Variants in IL17RC observed in about 807,000 individuals in gnomAD.
IL17RC encodes the protein interleukin-17 receptor C.
A neutral mutation model predicts 86.7 loss-of-function variants in IL17RC; 53 were observed. That is an observed-to-expected ratio of 0.61 (90% CI 0.49 to 0.77). The LOEUF (loss-of-function observed/expected upper bound fraction) is 0.77, where lower values mean the gene tolerates loss of function less well. Among genes scored for constraint, IL17RC ranks in the 30% least tolerant of loss-of-function variants. The pLI is 0.00. For missense variants in IL17RC, 957 were observed against 940.0 expected (o/e 1.02, Z -0.24); for synonymous variants, 439 against 413.1 (o/e 1.06, Z -0.76).
intron 6 of IL17RC, 89 bp from the exon 7 acceptor site, chr3:9,920,836 T>C (rs2083477513): frequency 1.9e-6 from 2 of 1,040,460 alleles, no homozygotes; most frequent in East Asian, 4.9e-5. Flanking sequence ...TGGGGAGCCA[T>C]TCCTAATGCC....
intron 9 of IL17RC, among the ~76,000 whole-genome samples, chr3:9,927,957 A>C (rs1159438170): frequency 6.6e-6 from 1 of 152,170 alleles, no homozygotes; most frequent in Non-Finnish European, 1.5e-5. Context: ...TCAAAAAAAA[A>C]AAAAAGTTTG....
Position 9,930,681 on chromosome 3 carries a change from T to C in IL17RC, c.1339-214T>C, listed in dbSNP as rs2084568274. 1.2e-5 allele frequency: 8 copies of C among 671,656 alleles called. No individual in the cohort carries two copies. The East Asian group carries it at 2.2e-4, about 18-fold the overall frequency. 41.6% of individuals were successfully genotyped at this position (671,656 alleles called of 1,614,324 possible). On this transcript the variant is annotated intron_variant, in intron 15 of 18. Coordinates refer to ENST00000403601, the MANE Select transcript of IL17RC (RefSeq NM_153460.4). The surrounding 1 kb of genome is among the most constrained non-coding windows in gnomAD (Gnocchi z 5.8). ...TAAGTTTTGGGTTCCAGGGAGAGCT[T>C]CCGGGAAGAATTTCTTCCTATAAGC...
At chr3:9,929,806 G>C in intron 12 of IL17RC, 46 bp from the exon 13 acceptor site, 2 of 1,612,128 alleles carry the variant, frequency 1.2e-6, no homozygotes, top group Non-Finnish European at 1.7e-6. Flanking sequence ...TCTGCCTTTG[G>C]CTTTTGCTTT....
chr3:9,928,528 G>C (rs1017946892), intron 11 of IL17RC, 42 bp downstream of exon 11: 3 of 1,613,466 alleles, frequency 1.9e-6, no homozygotes, highest in African/African-American at 2.7e-5. Context: ...AGGGGAGAGT[G>C]GGGAACCGGG....
At position 9,920,095 on chromosome 3, in the gene IL17RC, T is replaced by G. The variant is rs112079729; in HGVS notation, c.466-396T>G. Among the ~76,000 whole-genome samples, 953 of 152,174 alleles carry G rather than the reference T, an allele frequency of 6.3e-3. 8 individuals are homozygous for G. The highest frequency in any genetic ancestry group is 0.022 in the African/African-American group (902 of 41,482). ...TGGAGAATTGTAGACTGGGAGAACATCTGCTTGGTCCATGTCACAAGCAGT... is the reference window on the plus strand; with the variant it reads ...TGGAGAATTGTAGACTGGGAGAACAGCTGCTTGGTCCATGTCACAAGCAGT... On this transcript the variant is annotated intron_variant, in intron 5 of 18. Coordinates refer to ENST00000403601, the MANE Select transcript of IL17RC (RefSeq NM_153460.4).
Position 9,933,591 on chromosome 3 carries a change from TA to T in IL17RC, c.*1del. The part of the protein sequence containing the change: ...GAGPGAGDGT[*>X] ...GGGACCTGGGGCGGGGGACGGGACTTAAATAAAGGCAGACGCTGTTTTTCTA... is the reference window on the plus strand; with the variant it reads ...GGGACCTGGGGCGGGGGACGGGACTTAATAAAGGCAGACGCTGTTTTTCTA... On this transcript the variant is annotated frameshift_variant and stop_lost, in exon 19 of 19. Coordinates refer to ENST00000403601, the MANE Select transcript of IL17RC (RefSeq NM_153460.4). LOFTEE classifies it high-confidence loss of function. 6.3e-7 allele frequency: 1 copy of T among 1,587,878 alleles called. No individual in the cohort carries two copies. The highest frequency in any genetic ancestry group is 8.5e-7 in the Non-Finnish European group (1 of 1,169,722).
At chr3:9,931,827 C>G (rs2125297832) in intron 16 of IL17RC, among the ~76,000 whole-genome samples, 1 of 148,632 alleles carries the variant, frequency 6.7e-6, no homozygotes, top group African/African-American at 2.5e-5. Flanking sequence ...TTTAAAAGAT[C>G]TCTGAGGCTG....
intron 16 of IL17RC, 126 bp downstream of exon 16, chr3:9,931,069 T>C: frequency 2.5e-6 from 2 of 802,072 alleles, no homozygotes; most frequent in East Asian, 4.9e-5. Context: ...AGAGGGTCAT[T>C]CCTTCATTCA....
At position 9,933,092 on chromosome 3, in the gene IL17RC, G is replaced by C. The variant is rs751295929; in HGVS notation, c.1662G>C (p.Leu554=). Residue 554 remains leucine (L), a synonymous_variant, in exon 19 of 19, where the codon CTG becomes CTC. Transcript: ENST00000403601. ...VAVDLWSRRE[L]SAQGPVAWFH... The stretch of plus-strand genomic sequence containing the variant: ...TAGACCTGTGGAGCCGTCGTGAACT[G>C]AGCGCGCAGGGGCCCGTGGCTTGGT... 10 of 1,569,684 alleles carry C rather than the reference G, an allele frequency of 6.4e-6. No individual in the cohort carries two copies. The highest frequency in any genetic ancestry group is 7.7e-6 in the Non-Finnish European group (9 of 1,164,488).
chr3:9,919,448 T>C (rs2083364124), intron 5 of IL17RC, among the ~76,000 whole-genome samples: 1 of 152,036 alleles, frequency 6.6e-6, no homozygotes, highest in African/African-American at 2.4e-5. Flanking sequence ...ATTGAGACCA[T>C]CCTGGCTAAC....
At chr3:9,923,666 G>A (rs1383404318) in intron 7 of IL17RC, among the ~76,000 whole-genome samples, 1 of 152,124 alleles carries the variant, frequency 6.6e-6, no homozygotes, top group Admixed American at 6.5e-5. Context: ...GGGAGAAGCA[G>A]GGAGAATAGC....
Position 9,924,246 on chromosome 3 carries a change from C to A in IL17RC, c.777C>A (p.Ile259=). Residue 259 remains isoleucine, a synonymous_variant, in exon 9 of 19, where the codon ATC becomes ATA. Coordinates refer to ENST00000403601, the MANE Select transcript of IL17RC (RefSeq NM_153460.4). The stretch of plus-strand genomic sequence containing the variant: ...TTGTTCCACAGACTGGACCGCAGAT[C>A]ATTACCTTGAACCACACAGACCTGG... ...RWHKNLTGPQ[I]ITLNHTDLVP... 1 of 1,614,118 alleles carries A rather than the reference C, an allele frequency of 6.2e-7. No individual in the cohort carries two copies. The highest frequency in any genetic ancestry group is 1.1e-5 in the South Asian group (1 of 91,060).
chr3:9,919,600 C>T (rs1364728050), intron 5 of IL17RC, among the ~76,000 whole-genome samples: 3 of 152,040 alleles, frequency 2.0e-5, no homozygotes, highest in South Asian at 2.1e-4. Flanking sequence ...GAGCCGAGAT[C>T]GCGCCACTGC....
At position 9,917,545 on chromosome 3, in the gene IL17RC, C is replaced by T. The variant is rs865832079; in HGVS notation, c.105+125C>T. The T allele has an allele frequency of 6.2e-7, 1 of 1,611,982 alleles. No individual in the cohort carries two copies. The highest frequency in any genetic ancestry group is 8.5e-7 in the Non-Finnish European group (1 of 1,179,992). ...ACTGCCCTGTCTGGTCTGTCTGGTG[C>T]TGATGGTAGAAGAGAAGAACGGGGA... On this transcript the variant is annotated intron_variant, in intron 1 of 18. Coordinates refer to ENST00000403601, the MANE Select transcript of IL17RC (RefSeq NM_153460.4).
At chr3:9,920,848 C>T in intron 6 of IL17RC, 77 bp from the exon 7 acceptor site, 1 of 1,251,212 alleles carries the variant, frequency 8.0e-7, no homozygotes, top group South Asian at 1.4e-5. Flanking sequence ...CCTAATGCCC[C>T]CCTGGGAGCC....
At chr3:9,925,774 A>C (rs1317457563) in intron 9 of IL17RC, among the ~76,000 whole-genome samples, 1 of 150,132 alleles carries the variant, frequency 6.7e-6, no homozygotes, top group Non-Finnish European at 1.5e-5. Flanking sequence ...CTTTTCCCCA[A>C]CCACCCGGCC....
At chr3:9,927,732 G>A (rs1279354729) in intron 9 of IL17RC, among the ~76,000 whole-genome samples, 1 of 152,122 alleles carries the variant, frequency 6.6e-6, no homozygotes, top group African/African-American at 2.4e-5. Context: ...CTTGAGGTCA[G>A]GAGTTCGAGA....
intron 1 of IL17RC, 39 bp downstream of exon 1, chr3:9,917,459 G>T (rs774775130): frequency 1.2e-6 from 2 of 1,614,096 alleles, no homozygotes; most frequent in African/African-American, 1.3e-5. Flanking sequence ...AAAGGCTCAG[G>T]GTTCAGTTTT....
At chr3:9,918,440 C>T (rs1364038499) in intron 4 of IL17RC, 31 bp downstream of exon 4, 1 of 1,611,140 alleles carries the variant, frequency 6.2e-7, no homozygotes, top group Non-Finnish European at 8.5e-7. Context: ...CCAACTGCCC[C>T]ATGCCAAGGC....
Sources: gnomAD v4.1 joint callset for allele counts (sites outside exome capture counted in the v4.1 genomes callset) on GRCh38, gnomAD v4.1.1 for gene constraint, Gnocchi (gnomAD v3.1) non-coding constraint, MANE v1.5 for transcripts, NCBI Gene and HGNC (gene_info 2026-07-23, HGNC 2026-07-21) for gene names.